The following CCSER1 variants were observed in gnomAD, a reference collection of about 807,000 sequenced individuals.
CCSER1 encodes serine-rich coiled-coil domain-containing protein 1.
In CCSER1, 41 loss-of-function variants were observed where a neutral mutation model predicts 82.0. The ratio of observed to expected loss-of-function variants is 0.50; its 90% CI spans 0.39 to 0.65. The LOEUF (loss-of-function observed/expected upper bound fraction) is 0.65. CCSER1 is among the 30% of genes least tolerant of loss of function. The pLI, the probability that CCSER1 is intolerant of heterozygous loss-of-function variation, is 0.00. For missense variants in CCSER1, 1,119 were observed against 1,064.2 expected (o/e 1.05, Z -0.72); for synonymous variants, 414 against 383.9 (o/e 1.08, Z -0.92).
chr4:90,516,758 G>A (rs570285637), intron 5 of CCSER1, among the ~76,000 whole-genome samples: 3 of 152,260 alleles, frequency 2.0e-5, no homozygotes, highest in Admixed American at 6.5e-5. Context: ...ATTTTTGGCC[G>A]CTGAACGATC....
chr4:91,302,496 C>G (rs1221540646), intron 10 of CCSER1, among the ~76,000 whole-genome samples: 2 of 151,930 alleles, frequency 1.3e-5, no homozygotes, highest in Non-Finnish European at 2.9e-5. Context: ...CTCTTGGTTT[C>G]CTCCAGATCA....
rs188562395 is a variant in CCSER1, at chr4:91,233,750, T to C, written c.2217+147756T>C. Among the ~76,000 whole-genome samples the C allele has an allele frequency of 6.6e-4, 100 of 152,074 alleles. 1 individual carries two copies. Among genetic ancestry groups the C allele is most frequent in the African/African-American group, 2.2e-3 (93 of 41,556 alleles). On this transcript the variant is annotated intron_variant, in intron 10 of 10. Coordinates refer to ENST00000509176, the MANE Select transcript of CCSER1 (RefSeq NM_001145065.2). ...TGCTCACAACAGATGGTCTATTTAG[T>C]ATATAAATTCAGTTTAATGACCAGC...
At chr4:90,415,982 T>C (rs1200821479) in intron 4 of CCSER1, among the ~76,000 whole-genome samples, 1 of 152,136 alleles carries the variant, frequency 6.6e-6, no homozygotes, top group African/African-American at 2.4e-5. Context: ...GCTGGAGATC[T>C]CAGTTGATGG....
chr4:91,029,337 C>G (rs1461598), intron 9 of CCSER1, among the ~76,000 whole-genome samples: 54,237 of 151,394 alleles, frequency 0.36, 11,704 homozygotes, highest in East Asian at 0.58. Context: ...ATTATATACT[C>G]GAGGCAAAAC....
At chr4:91,000,037 T>C (rs1737865350) in intron 9 of CCSER1, among the ~76,000 whole-genome samples, 1 of 152,076 alleles carries the variant, frequency 6.6e-6, no homozygotes, top group Non-Finnish European at 1.5e-5. Flanking sequence ...ATTTATTGAA[T>C]ACGGAGTTCT....
At chr4:90,151,930 G>A (rs1416068907) in intron 1 of CCSER1, among the ~76,000 whole-genome samples, 2 of 152,042 alleles carry the variant, frequency 1.3e-5, no homozygotes, top group Admixed American at 1.3e-4. Context: ...TAAATAGGTA[G>A]AATATAAACA....
intron 8 of CCSER1, among the ~76,000 whole-genome samples, chr4:90,850,161 G>C (rs1763698146): frequency 6.6e-6 from 1 of 152,200 alleles, no homozygotes; most frequent in Non-Finnish European, 1.5e-5. Flanking sequence ...TGGGTGTACA[G>C]GAGTCAAGAA....
At chr4:90,402,096 T>C (rs1489639365) in intron 4 of CCSER1, among the ~76,000 whole-genome samples, 1 of 152,164 alleles carries the variant, frequency 6.6e-6, no homozygotes, top group Non-Finnish European at 1.5e-5. Flanking sequence ...ATTATTGGAA[T>C]GGGTGGAGGG....
At chr4:91,454,277 G>C (rs1441873104) in intron 10 of CCSER1, among the ~76,000 whole-genome samples, 2 of 152,018 alleles carry the variant, frequency 1.3e-5, no homozygotes, top group African/African-American at 4.8e-5. Flanking sequence ...CAAAGGCTCT[G>C]AGGAGAGAAT....
At chr4:90,333,735 A>G (rs1739824817) in intron 3 of CCSER1, among the ~76,000 whole-genome samples, 1 of 152,226 alleles carries the variant, frequency 6.6e-6, no homozygotes, top group African/African-American at 2.4e-5. Context: ...CAATTCATTA[A>G]TAAGAAAACC....
intron 5 of CCSER1, among the ~76,000 whole-genome samples, chr4:90,545,075 T>A (rs1439541962): frequency 6.6e-6 from 1 of 152,134 alleles, no homozygotes. Flanking sequence ...ATAAAACTCA[T>A]CTTTTGAGAT....
chr4:91,391,716 A>G (rs1751662036), intron 10 of CCSER1, among the ~76,000 whole-genome samples: 1 of 152,138 alleles, frequency 6.6e-6, no homozygotes, highest in Admixed American at 6.6e-5. Flanking sequence ...GATATTGTGT[A>G]ATATATATTC....
intron 10 of CCSER1, among the ~76,000 whole-genome samples, chr4:91,470,088 T>C (rs1391692001): frequency 1.3e-5 from 2 of 152,206 alleles, no homozygotes; most frequent in Admixed American, 6.5e-5. Flanking sequence ...AGCCTACTTA[T>C]ATAACCAGTG....
In CCSER1 at chr4:91,543,912, A is replaced by G. The variant is rs1454008040; in HGVS notation, c.2218-54660A>G. On this transcript the variant is annotated intron_variant, in intron 10 of 10. Coordinates refer to ENST00000509176, the MANE Select transcript of CCSER1 (RefSeq NM_001145065.2). Reference sequence around the variant, plus strand: ...GCAGATTGTTTTCCAACTTGGTTCCATTCTTTCCGTCACTTTCAGGTATGC... The same window carrying G: ...GCAGATTGTTTTCCAACTTGGTTCCGTTCTTTCCGTCACTTTCAGGTATGC... 3.3e-5 allele frequency among the ~76,000 whole-genome samples: 5 copies of G among 152,120 alleles called. No homozygotes were observed. In the East Asian group the frequency reaches 9.6e-4, roughly 29 times the overall value.
intron 10 of CCSER1, among the ~76,000 whole-genome samples, chr4:91,463,184 A>G (rs1277014591): frequency 6.6e-6 from 1 of 152,226 alleles, no homozygotes; most frequent in Non-Finnish European, 1.5e-5. Context: ...ATCAGGCAGC[A>G]ACATTTGCTG....
chr4:90,835,414 GA>G (rs1268324356), intron 8 of CCSER1, among the ~76,000 whole-genome samples: 4 of 151,938 alleles, frequency 2.6e-5, no homozygotes, highest in Admixed American at 6.6e-5. Context: ...GCTCATATTT[GA>G]GCTTCTAAAT....
At chr4:90,974,350 A>G (rs1408836147) in intron 9 of CCSER1, among the ~76,000 whole-genome samples, 3 of 145,338 alleles carry the variant, frequency 2.1e-5, no homozygotes, top group Admixed American at 6.8e-5. Context: ...ATATCTCAAA[A>G]CATTACATTG....
intron 8 of CCSER1, among the ~76,000 whole-genome samples, chr4:90,890,537 G>C (rs1561312716): frequency 6.6e-6 from 1 of 152,158 alleles, no homozygotes; most frequent in African/African-American, 2.4e-5. Flanking sequence ...GACACTGAGA[G>C]CCTGAAAAAC....
intron 6 of CCSER1, among the ~76,000 whole-genome samples, chr4:90,709,288 T>C (rs1360658551): frequency 6.6e-6 from 1 of 152,164 alleles, no homozygotes; most frequent in African/African-American, 2.4e-5. Context: ...TCTTCAACTT[T>C]TACTTTGAGT....
Sources: allele counts gnomAD v4.1 joint callset (sites outside exome capture counted in the v4.1 genomes callset), GRCh38; gene constraint gnomAD v4.1.1; transcripts MANE v1.5; gene names NCBI Gene and HGNC (gene_info 2026-07-23, HGNC 2026-07-21).